AGPS: variants seen among roughly 807,000 people sequenced by gnomAD.
AGPS encodes the protein alkylglycerone phosphate synthase, also known as alkyldihydroxyacetonephosphate synthase, peroxisomal.
AGPS carries 26 observed loss-of-function variants against 90.7 expected under a neutral mutation model. The observed-to-expected ratio is 0.29, with a 90% confidence interval of 0.21 to 0.40. The LOEUF is 0.40. Ranked by LOEUF, AGPS falls within the 10% of genes least tolerant of loss-of-function variation. The pLI is 1.00. For synonymous variants in AGPS, 294 were observed against 285.3 expected (o/e 1.03, Z -0.31); for missense variants, 540 against 816.1 (o/e 0.66, Z 4.12).
chr2:177,392,968 C>A lies in AGPS; in HGVS notation c.179C>A (p.Ala60Glu). ...REALSTNECK[A>E]RRAASAATAA... ...GCTCTGAGTACCAATGAGTGCAAAGCGCGGAGAGCCGCGTCGGCGGCCACG... is the reference window on the plus strand; with the variant it reads ...GCTCTGAGTACCAATGAGTGCAAAGAGCGGAGAGCCGCGTCGGCGGCCACG... The change falls in exon 1 of 20, where the codon GCG (alanine) becomes GAG (glutamate). Residue 60 changes from alanine to glutamate, a missense_variant. Transcript: ENST00000264167. 1 of 1,549,976 alleles carries A rather than the reference C, an allele frequency of 6.5e-7. No homozygotes were observed. The highest frequency in any genetic ancestry group is 1.4e-5 in the African/African-American group (1 of 73,144).
At chr2:177,419,576 G>A (rs1685885631) in intron 1 of AGPS, among the ~76,000 whole-genome samples, 1 of 151,772 alleles carries the variant, frequency 6.6e-6, no homozygotes, top group African/African-American at 2.4e-5. Context: ...TGATAAATAA[G>A]GATTTTTACA....
In AGPS at chr2:177,538,224, C is replaced by G; in HGVS notation, c.*29C>G. On this transcript the variant is annotated 3_prime_UTR_variant, in exon 20 of 20. Transcript: ENST00000264167. ...CATTAGTACCATTACAAAAAAATGT[C>G]AATTTTTTTTTTAAGTTTTCAACTG... 1 of 1,605,172 alleles carries G rather than the reference C, an allele frequency of 6.2e-7. No homozygotes were observed. The highest frequency in any genetic ancestry group is 8.5e-7 in the Non-Finnish European group (1 of 1,172,902).
rs1172040227 is a variant in AGPS at position 177,436,139 on chromosome 2, A to ATTTT, written c.442-609_442-606dup. Among the ~76,000 whole-genome samples the ATTTT allele has an allele frequency of 3.6e-3, 296 of 82,104 alleles. 23 individuals are homozygous for ATTTT. The highest frequency in any genetic ancestry group is 0.013 in the African/African-American group (280 of 21,406). 53.9% of individuals were successfully genotyped at this position (82,104 alleles called of 152,430 possible). On this transcript the variant is annotated intron_variant, in intron 3 of 19. Coordinates refer to ENST00000264167, the MANE Select transcript of AGPS (RefSeq NM_003659.4). ...GCAATTGAAGAATAAGAAATGCTGA[A>ATTTT]TTTTTTTTTTTTTTTTTTTGCGACA... is the stretch of plus-strand genomic sequence containing the variant.
intron 1 of AGPS, among the ~76,000 whole-genome samples, chr2:177,417,200 A>G (rs1419422321): frequency 6.6e-6 from 1 of 152,226 alleles, no homozygotes; most frequent in African/African-American, 2.4e-5. Context: ...AAACTTTTTG[A>G]ACACTGTCAT....
rs1437766962 is a variant in AGPS, at chr2:177,491,769, C to CG, written c.1234-1379_1234-1378insG. On this transcript the variant is annotated intron_variant, in intron 11 of 19. Coordinates refer to ENST00000264167, the MANE Select transcript of AGPS (RefSeq NM_003659.4). ...TGTAATATACTTTCCTTCCCCCCCC[C>CG]CCCCTTTTTTTTCATTTTGTTTTGT... Among the ~76,000 whole-genome samples, 120 of 120,910 alleles carry CG rather than the reference C, an allele frequency of 9.9e-4. 2 individuals are homozygous for CG. Among genetic ancestry groups the CG allele is most frequent in the East Asian group, 3.9e-3 (13 of 3,306 alleles). 79.3% of individuals were successfully genotyped at this position (120,910 alleles called of 152,430 possible).
At chr2:177,484,593 G>A (rs955900627) in intron 11 of AGPS, among the ~76,000 whole-genome samples, 6 of 151,836 alleles carry the variant, frequency 4.0e-5, no homozygotes, top group South Asian at 4.1e-4. Flanking sequence ...TGATCCGCCC[G>A]CCCCGGCCTC....
At chr2:177,477,187 CT>C (rs937250750) in intron 10 of AGPS, among the ~76,000 whole-genome samples, 5 of 152,032 alleles carry the variant, frequency 3.3e-5, no homozygotes, top group Non-Finnish European at 5.9e-5. Context: ...TTTTCCCCCC[CT>C]CTGTGGGTCT....
At position 177,393,471 on chromosome 2, in the gene AGPS, C is replaced by G. The variant is rs146690558; in HGVS notation, c.260+422C>G. ...ATAGATCATAGGAATCTCTCTCATT[C>G]GCGAAAGCCTGCTGTGGGGGAAACT... On this transcript the variant is annotated intron_variant, in intron 1 of 19. Transcript: ENST00000264167. 3.1e-4 allele frequency: 306 copies of G among 985,344 alleles called. 1 individual carries two copies. The South Asian group carries it at 3.6e-3, about 11-fold the overall frequency. The allele number at this position is 985,344 out of a possible 1,614,324, so 61.0% of individuals were successfully genotyped here. A position where few individuals can be genotyped will look rare whatever the true frequency, so the allele number is the denominator to read the frequency against.
chr2:177,455,604 A>G lies in AGPS; in HGVS notation c.871-6289A>G, dbSNP rs79025876. Among the ~76,000 whole-genome samples, 1,222 of 151,346 alleles carry G rather than the reference A, an allele frequency of 8.1e-3. 15 individuals are homozygous for G. Among genetic ancestry groups the G allele is most frequent in the African/African-American group, 0.028 (1,135 of 41,236 alleles). On this transcript the variant is annotated intron_variant, in intron 8 of 19. Transcript: ENST00000264167. ...CCACCATGCCTGGCCTGTTTCTTCT[A>G]TTTTTCTGTGTTTTAGTCTTATTGG...
intron 2 of AGPS, among the ~76,000 whole-genome samples, chr2:177,422,496 G>C (rs911536999): frequency 6.6e-6 from 1 of 152,144 alleles, no homozygotes; most frequent in South Asian, 2.1e-4. Context: ...GAGTCCAGTG[G>C]GGGAGAGGGA....
At chr2:177,523,392 T>G (rs1436960841) in intron 18 of AGPS, among the ~76,000 whole-genome samples, 1 of 152,204 alleles carries the variant, frequency 6.6e-6, no homozygotes, top group Non-Finnish European at 1.5e-5. Flanking sequence ...TTTAGTCACT[T>G]TGTTGGTATA....
chr2:177,481,156 G>A (rs1687932445), intron 10 of AGPS, among the ~76,000 whole-genome samples: 1 of 152,082 alleles, frequency 6.6e-6, no homozygotes, highest in African/African-American at 2.4e-5. Context: ...TTATGAAGAT[G>A]TGCAGTTTCA....
intron 1 of AGPS, among the ~76,000 whole-genome samples, chr2:177,399,587 T>G (rs552387362): frequency 6.6e-6 from 1 of 152,304 alleles, no homozygotes; most frequent in African/African-American, 2.4e-5. Context: ...TCACAGGCAG[T>G]GTACCACAGA....
intron 8 of AGPS, among the ~76,000 whole-genome samples, chr2:177,456,685 C>T (rs1232195190): frequency 2.6e-5 from 4 of 151,956 alleles, no homozygotes; most frequent in African/African-American, 4.8e-5. Flanking sequence ...AATGAAGTAA[C>T]CTACCTGACA....
intron 11 of AGPS, among the ~76,000 whole-genome samples, chr2:177,489,489 T>A (rs1688189050): frequency 1.3e-5 from 2 of 152,224 alleles, no homozygotes; most frequent in Admixed American, 1.3e-4. Flanking sequence ...GTTTTTACTA[T>A]TCAGATTATG....
At chr2:177,481,031 T>C (rs1474779334) in intron 10 of AGPS, among the ~76,000 whole-genome samples, 1 of 152,154 alleles carries the variant, frequency 6.6e-6, no homozygotes, top group Non-Finnish European at 1.5e-5. Flanking sequence ...TGTAATTTGC[T>C]TTTCATAGAC....
At chr2:177,524,044 C>T (rs534970380) in intron 19 of AGPS, among the ~76,000 whole-genome samples, 9 of 152,280 alleles carry the variant, frequency 5.9e-5, no homozygotes, top group African/African-American at 1.7e-4. Context: ...TCTGAGGTCT[C>T]AGGGACCTCA....
chr2:177,477,088 C>T (rs1444078029), intron 10 of AGPS, among the ~76,000 whole-genome samples: 1 of 151,954 alleles, frequency 6.6e-6, no homozygotes, highest in African/African-American at 2.4e-5. Flanking sequence ...TTAAAAAAAT[C>T]GTCTCACTAT....
At chr2:177,405,031 A>G (rs938032072) in intron 1 of AGPS, among the ~76,000 whole-genome samples, 3 of 152,218 alleles carry the variant, frequency 2.0e-5, no homozygotes, top group Non-Finnish European at 4.4e-5. Flanking sequence ...ACCCAAGGGT[A>G]AGAATGGAGC....
Sources: allele counts gnomAD v4.1 joint callset (sites outside exome capture counted in the v4.1 genomes callset), GRCh38; gene constraint gnomAD v4.1.1; transcripts MANE v1.5; gene names NCBI Gene and HGNC (gene_info 2026-07-23, HGNC 2026-07-21).